Variants in NPAS3 observed in about 807,000 individuals in gnomAD.
The protein encoded by NPAS3 is neuronal PAS domain protein 3.
NPAS3 carries 14 observed loss-of-function variants against 73.1 expected under a neutral mutation model. That is an observed-to-expected ratio of 0.19 (90% CI 0.13 to 0.30). The LOEUF (loss-of-function observed/expected upper bound fraction) is 0.30. NPAS3 is among the 10% of genes least tolerant of loss of function. The probability of loss-of-function intolerance (pLI) is 1.00; values close to 1 mark genes in which losing one functional copy is unlikely to be tolerated. For synonymous variants in NPAS3, 620 were observed against 541.5 expected (o/e 1.14, Z -2.01); for missense variants, 1,096 against 1,250.0 (o/e 0.88, Z 1.86).
chr14:33,332,991 A>T (rs2044053894), intron 3 of NPAS3, among the ~76,000 whole-genome samples: 1 of 152,224 alleles, frequency 6.6e-6, no homozygotes, highest in Non-Finnish European at 1.5e-5. Context: ...TTACTGAGCA[A>T]ATAATACAGA....
chr14:33,676,375 C>A (rs368915733), exon 6 of NPAS3: 2 of 1,567,872 alleles, frequency 1.3e-6, no homozygotes, highest in Non-Finnish European at 1.7e-6. Flanking sequence ...AGTCGGAGAC[C>A]CCCGAGCCAG....
chr14:33,789,440 G>A (rs1035742228), intron 9 of NPAS3, among the ~76,000 whole-genome samples: 4 of 152,132 alleles, frequency 2.6e-5, no homozygotes, highest in East Asian at 1.9e-4. Context: ...TCCCAGTTAC[G>A]TCTGGGACCT....
At chr14:33,561,684 A>G (rs2055658583) in intron 5 of NPAS3, among the ~76,000 whole-genome samples, 1 of 152,226 alleles carries the variant, frequency 6.6e-6, no homozygotes, top group Admixed American at 6.5e-5. Context: ...ATTACCATAC[A>G]GAACTGGAAA....
chr14:33,769,647 TC>T (rs2062577716), intron 7 of NPAS3, among the ~76,000 whole-genome samples: 1 of 151,188 alleles, frequency 6.6e-6, no homozygotes, highest in Non-Finnish European at 1.5e-5. Context: ...TGTTAATTAA[TC>T]AAACAGTATT....
At chr14:33,719,703 G>C (rs1327426630) in intron 6 of NPAS3, among the ~76,000 whole-genome samples, 2 of 152,124 alleles carry the variant, frequency 1.3e-5, no homozygotes, top group East Asian at 3.9e-4. Flanking sequence ...CGAGTCACCA[G>C]CCTGTACCAT....
intron 6 of NPAS3, among the ~76,000 whole-genome samples, chr14:33,708,875 T>A (rs1024284986): frequency 5.3e-5 from 8 of 152,174 alleles, no homozygotes; most frequent in African/African-American, 1.9e-4. Flanking sequence ...TTGGTAGGAT[T>A]GACTGAGACT....
chr14:33,502,218 T>C (rs1190075860), intron 4 of NPAS3, among the ~76,000 whole-genome samples: 1 of 151,884 alleles, frequency 6.6e-6, no homozygotes, highest in Non-Finnish European at 1.5e-5. Context: ...GAAAAGCACC[T>C]CTTTTTTTCT....
At chr14:33,184,667 T>A (rs1004380444) in intron 2 of NPAS3, among the ~76,000 whole-genome samples, 1 of 152,016 alleles carries the variant, frequency 6.6e-6, no homozygotes, top group Non-Finnish European at 1.5e-5. Flanking sequence ...TGGAAAGAAA[T>A]TGGGTTCTAG....
At position 33,466,912 on chromosome 14, in the gene NPAS3, T is replaced by G. The variant is rs560514348; in HGVS notation, c.469-93209T>G. ...GATTACAATCAGACATGAGATTTGGTGAGGACACAGATCCAAACCATATCA... is the reference window on the plus strand; with the variant it reads ...GATTACAATCAGACATGAGATTTGGGGAGGACACAGATCCAAACCATATCA... On this transcript the variant is annotated intron_variant, in intron 4 of 11. Coordinates refer to ENST00000356141, the Ensembl canonical transcript of NPAS3. 1.2e-4 allele frequency among the ~76,000 whole-genome samples: 19 copies of G among 152,250 alleles called. No homozygotes were observed. In the South Asian group the frequency reaches 1.9e-3, roughly 15 times the overall value.
chr14:33,796,405 A>G (rs1299112153), intron 10 of NPAS3, among the ~76,000 whole-genome samples: 1 of 152,234 alleles, frequency 6.6e-6, no homozygotes, highest in East Asian at 1.9e-4. Flanking sequence ...GCTAATTCAC[A>G]CGAAGGAGTA....
At chr14:33,079,510 G>T (rs1459822278) in intron 2 of NPAS3, among the ~76,000 whole-genome samples, 1 of 148,768 alleles carries the variant, frequency 6.7e-6, no homozygotes, top group Non-Finnish European at 1.5e-5. Flanking sequence ...TAGAGATGGG[G>T]TTTCACCATG....
chr14:33,674,725 C>T (rs76058130), intron 5 of NPAS3, among the ~76,000 whole-genome samples: 166 of 152,260 alleles, frequency 1.1e-3, no homozygotes, highest in African/African-American at 3.6e-3. Flanking sequence ...CCTAATTTTC[C>T]GTAAAAGTTA....
At chr14:33,616,584 C>T (rs146876943) in intron 5 of NPAS3, among the ~76,000 whole-genome samples, 2 of 152,246 alleles carry the variant, frequency 1.3e-5, no homozygotes, top group Non-Finnish European at 2.9e-5. Flanking sequence ...TAGAACTGAA[C>T]ATTTTAAAAT....
At chr14:33,313,384 C>T (rs894478793) in intron 3 of NPAS3, among the ~76,000 whole-genome samples, 4 of 151,970 alleles carry the variant, frequency 2.6e-5, no homozygotes, top group African/African-American at 7.2e-5. Flanking sequence ...TAAAGTGATC[C>T]TCTAAGAGAG....
intron 1 of NPAS3, among the ~76,000 whole-genome samples, chr14:33,003,253 A>C (rs2038874646): frequency 6.6e-6 from 1 of 152,110 alleles, no homozygotes; most frequent in South Asian, 2.1e-4. Flanking sequence ...GGTTAACACT[A>C]ACACATAGTA....
chr14:33,467,120 G>GTGAC (rs2050564579), intron 4 of NPAS3, among the ~76,000 whole-genome samples: 1 of 152,218 alleles, frequency 6.6e-6, no homozygotes, highest in Non-Finnish European at 1.5e-5. Flanking sequence ...AACCGCGTGA[G>GTGAC]TGACTGTGAC....
At chr14:33,009,796 G>A (rs558963373) in intron 1 of NPAS3, among the ~76,000 whole-genome samples, 1 of 152,178 alleles carries the variant, frequency 6.6e-6, no homozygotes, top group Admixed American at 6.5e-5. Context: ...GCCAAAGCAG[G>A]TATGTAAACA....
intron 6 of NPAS3, among the ~76,000 whole-genome samples, chr14:33,679,485 A>C (rs924229666): frequency 1.3e-5 from 2 of 151,270 alleles, no homozygotes; most frequent in Admixed American, 1.3e-4. Context: ...AATAACTAAC[A>C]TGAAGGAACA....
rs76927368 is a variant in NPAS3, at chr14:33,118,600, C to A, written c.140+62606C>A. ...TATAAATATGCTTCTTATTTCAGTA[C>A]GATCAACAAAATGTTTAGGAGCACA... On this transcript the variant is annotated intron_variant, in intron 2 of 11. Coordinates refer to ENST00000356141, the Ensembl canonical transcript of NPAS3. 6.1e-3 allele frequency among the ~76,000 whole-genome samples: 921 copies of A among 152,104 alleles called. 10 individuals are homozygous for A. Among genetic ancestry groups the A allele is most frequent in the African/African-American group, 0.021 (875 of 41,514 alleles).
Sources: allele counts gnomAD v4.1 joint callset (sites outside exome capture counted in the v4.1 genomes callset), GRCh38; gene constraint gnomAD v4.1.1; transcripts MANE v1.5; gene names NCBI Gene and HGNC (gene_info 2026-07-23, HGNC 2026-07-21).